MGAT4C: variants seen among roughly 807,000 people sequenced by gnomAD.
MGAT4C encodes the protein MGAT4 family member C, also known as alpha-1,3-mannosyl-glycoprotein 4-beta-N-acetylglucosaminyltransferase C.
Under a neutral mutation model 40.1 loss-of-function variants are expected in MGAT4C, and 19 were observed. The observed-to-expected ratio is 0.47, with a 90% CI of 0.33 to 0.70. The LOEUF is 0.70. Among genes scored for constraint, MGAT4C ranks in the 30% least tolerant of loss-of-function variants. The pLI is 0.02. For missense variants in MGAT4C, 491 were observed against 563.2 expected, an observed-to-expected ratio of 0.87 and a Z score of 1.30; for synonymous variants, 181 against 187.1, an observed-to-expected ratio of 0.97 and a Z score of 0.27.
chr12:86,052,371 T>C (rs1321798792), intron 1 of MGAT4C, among the ~76,000 whole-genome samples: 1 of 151,918 alleles, frequency 6.6e-6, no homozygotes, highest in African/African-American at 2.4e-5. Flanking sequence ...TAACAAAACC[T>C]AACAAGTGAA....
chr12:86,738,159 T>C (rs1419299831), intron 1 of MGAT4C, among the ~76,000 whole-genome samples: 1 of 151,494 alleles, frequency 6.6e-6, no homozygotes, highest in African/African-American at 2.4e-5. Context: ...ACTCCGCCTT[T>C]ATAATTTCAA....
chr12:86,412,653 C>A (rs1322042440), intron 3 of MGAT4C, among the ~76,000 whole-genome samples: 1 of 152,084 alleles, frequency 6.6e-6, no homozygotes, highest in African/African-American at 2.4e-5. Flanking sequence ...GTCTCAGGTA[C>A]AACTTTGGAT....
chr12:86,585,333 CAGTT>C lies in MGAT4C; in HGVS notation c.-229+141872_-229+141875del, dbSNP rs1279971851. ...CTACAGCCTTTCAGAGTTAATGTAA[CAGTT>C]TAATTATTGTTTAATTATGTGTAAT... On this transcript the variant is annotated intron_variant, in intron 2 of 7. Coordinates refer to the MGAT4C transcript ENST00000548651. Among the ~76,000 whole-genome samples, 11 of 151,430 alleles carry C rather than the reference CAGTT, an allele frequency of 7.3e-5. No homozygotes were observed. In the East Asian group the frequency reaches 2.1e-3, roughly 29 times the overall value.
chr12:86,075,856 G>T (rs1365099667), intron 1 of MGAT4C, among the ~76,000 whole-genome samples: 1 of 152,126 alleles, frequency 6.6e-6, no homozygotes, highest in Non-Finnish European at 1.5e-5. Context: ...TTCCTCCTGG[G>T]CCTCTGGGCC....
intron 2 of MGAT4C, among the ~76,000 whole-genome samples, chr12:86,692,386 G>C (rs576963110): frequency 2.6e-5 from 4 of 152,008 alleles, no homozygotes; most frequent in Admixed American, 6.6e-5. Flanking sequence ...TACTTAGAAA[G>C]AAATGTAATA....
At chr12:86,391,875 A>T (rs1315054016) in intron 3 of MGAT4C, among the ~76,000 whole-genome samples, 2 of 152,090 alleles carry the variant, frequency 1.3e-5, no homozygotes, top group African/African-American at 4.8e-5. Flanking sequence ...AGAAAAAAAA[A>T]GTTGGCATTT....
chr12:86,595,272 G>A lies in MGAT4C; in HGVS notation c.-229+131937C>T, dbSNP rs180676142. On this transcript the variant is annotated intron_variant, in intron 2 of 7. Transcript: ENST00000548651. Reference sequence around the variant, plus strand: ...AACTGATCATCTATTGGCCAGGTTCGGTGGCTCATGCCTGTAATCCCAGCA... The same window carrying A: ...AACTGATCATCTATTGGCCAGGTTCAGTGGCTCATGCCTGTAATCCCAGCA... Among the ~76,000 whole-genome samples the A allele has an allele frequency of 5.9e-5, 9 of 152,174 alleles. No individual in the cohort carries two copies. The East Asian group carries it at 1.2e-3, about 20-fold the overall frequency.
intron 2 of MGAT4C, among the ~76,000 whole-genome samples, chr12:86,037,477 C>T (rs373339654): frequency 6.7e-6 from 1 of 150,126 alleles, no homozygotes; most frequent in Non-Finnish European, 1.5e-5. Flanking sequence ...CCCAGAGATT[C>T]TGGTATGTTG....
At position 86,649,317 on chromosome 12, in the gene MGAT4C, A is replaced by G. The variant is rs115917307; in HGVS notation, c.-229+77892T>C. 3.8e-3 allele frequency among the ~76,000 whole-genome samples: 583 copies of G among 151,902 alleles called. 3 individuals are homozygous for G. The highest frequency in any genetic ancestry group is 0.014 in the African/African-American group (569 of 41,532). ...AGGTTCTTTTCATTCAGTAGGCTAT[A>G]AGCTCCTTGATGAGTGAGGCAAAAT... On this transcript the variant is annotated intron_variant, in intron 2 of 7. Coordinates refer to the MGAT4C transcript ENST00000548651.
At chr12:86,599,094 G>A (rs973995048) in intron 2 of MGAT4C, among the ~76,000 whole-genome samples, 3 of 152,054 alleles carry the variant, frequency 2.0e-5, no homozygotes, top group African/African-American at 4.8e-5. Flanking sequence ...AGAATGGGGA[G>A]AGTGTTATTT....
In MGAT4C at chr12:86,472,373, C is replaced by T. The variant is rs1957768754; in HGVS notation, c.-228-37108G>A. On this transcript the variant is annotated intron_variant, in intron 2 of 7. Transcript: ENST00000548651. ...GCCTAAGGAGGTTTCCTGTCTTTAG[C>T]AAATATATTTATTGGTGACCAGATC... is the stretch of plus-strand genomic sequence containing the variant. Among the ~76,000 whole-genome samples, 3 of 152,118 alleles carry T rather than the reference C, an allele frequency of 2.0e-5. No individual in the cohort carries two copies. The South Asian group carries it at 6.2e-4, about 31-fold the overall frequency.
intron 1 of MGAT4C, among the ~76,000 whole-genome samples, chr12:86,196,025 T>C (rs1949787714): frequency 6.6e-6 from 1 of 152,210 alleles, no homozygotes; most frequent in Non-Finnish European, 1.5e-5. Flanking sequence ...TTAGTCTGCC[T>C]GAAGCTGCTA....
intron 2 of MGAT4C, among the ~76,000 whole-genome samples, chr12:86,700,991 G>GA (rs1305052333): frequency 6.6e-6 from 1 of 151,838 alleles, no homozygotes; most frequent in Non-Finnish European, 1.5e-5. Context: ...AATGCAATAA[G>GA]AAAAAATATA....
chr12:86,453,428 C>G (rs938174102), intron 2 of MGAT4C, among the ~76,000 whole-genome samples: 1 of 151,922 alleles, frequency 6.6e-6, no homozygotes, highest in Admixed American at 6.6e-5. Context: ...ATATTCTGGA[C>G]TAATAAGGGA....
At chr12:86,021,911 T>C (rs1889772098) in intron 2 of MGAT4C, among the ~76,000 whole-genome samples, 1 of 152,180 alleles carries the variant, frequency 6.6e-6, no homozygotes. Context: ...TAAACTAACT[T>C]GAATTCAGTA....
intron 2 of MGAT4C, among the ~76,000 whole-genome samples, chr12:86,550,137 C>T (rs762975144): frequency 1.3e-4 from 20 of 152,220 alleles, no homozygotes; most frequent in African/African-American, 3.9e-4. Flanking sequence ...CCTGCTGCCT[C>T]GTGAAGAAAT....
intron 1 of MGAT4C, among the ~76,000 whole-genome samples, chr12:86,214,313 C>T (rs1950590111): frequency 6.6e-6 from 1 of 152,192 alleles, no homozygotes; most frequent in Admixed American, 6.5e-5. Flanking sequence ...ACAATTAGGT[C>T]ACCTATGCTA....
chr12:85,989,874 A>G lies in MGAT4C; in HGVS notation c.-6-322T>C, dbSNP rs367685000. 1.2e-4 allele frequency among the ~76,000 whole-genome samples: 19 copies of G among 152,234 alleles called. No homozygotes were observed. In the East Asian group the frequency reaches 3.5e-3, roughly 28 times the overall value. On this transcript the variant is annotated intron_variant, in intron 2 of 4. Coordinates refer to ENST00000611864, the MANE Select transcript of MGAT4C (RefSeq NM_001351288.2). ...GAGAAACAGTACAAAAGCACAATAG[A>G]AAAACAGTCAAGTCCACTGTCATCA...
Position 85,979,568 on chromosome 12 carries a change from T to A in MGAT4C, c.1158A>T (p.Pro386=). ...GDVFVIVFEN[P]IIIKKIKVNT... ...TTACTTTAATTTTTTTTATTATAAT[T>A]GGATTTTCAAATACAATCACAAAAA... Residue 386 remains proline (P), a synonymous_variant, in exon 5 of 5, where the codon CCA becomes CCT. Transcript: ENST00000611864. 2 of 1,607,696 alleles carry A rather than the reference T, an allele frequency of 1.2e-6. No homozygotes were observed. Among genetic ancestry groups the A allele is most frequent in the South Asian group, 2.2e-5 (2 of 90,414 alleles).
Sources: gnomAD v4.1 joint callset for allele counts (sites outside exome capture counted in the v4.1 genomes callset) on GRCh38, gnomAD v4.1.1 for gene constraint, MANE v1.5 for transcripts, NCBI Gene and HGNC (gene_info 2026-07-23, HGNC 2026-07-21) for gene names.